The following SLC12A4 variants were observed in gnomAD, a reference collection of about 807,000 sequenced individuals.
SLC12A4 encodes electroneutral potassium-chloride cotransporter 1.
In SLC12A4, 84 loss-of-function variants were observed where a neutral mutation model predicts 119.2. That is an observed-to-expected ratio of 0.70 (90% CI 0.59 to 0.85). The LOEUF is 0.85. SLC12A4 is among the 40% of genes least tolerant of loss of function. The pLI, the probability that SLC12A4 is intolerant of heterozygous loss-of-function variation, is 0.00. For missense variants in SLC12A4, 1,298 were observed against 1,476.3 expected (o/e 0.88, Z 1.98); for synonymous variants, 599 against 604.6 (o/e 0.99, Z 0.14).
chr16:67,952,329 A>G lies in SLC12A4; in HGVS notation c.772T>C (p.Phe258Leu), dbSNP rs754949150. The G allele has an allele frequency of 2.5e-6, 4 of 1,614,092 alleles. No homozygotes were observed. In the East Asian group the frequency reaches 8.9e-5, roughly 36 times the overall value. The change falls in exon 7 of 24, where the codon TTC (phenylalanine) becomes CTC (leucine). Residue 258 changes from phenylalanine (F) to leucine (L), a missense_variant. Physicochemically the swap from Phe to Leu is conservative, Grantham distance 22. Coordinates refer to ENST00000316341, the MANE Select transcript of SLC12A4 (RefSeq NM_005072.5). The part of the protein sequence containing the change: ...LNNMRVYGTI[F>L]LTFMTLVVFV... ...ACCACCAGGGTCATGAAGGTCAGGA[A>G]AATGGTCCCATACACACGCATATTG...
chr16:67,951,541 C>T lies in SLC12A4; in HGVS notation c.1133-237G>A, dbSNP rs1363523270. 3.3e-6 allele frequency: 2 copies of T among 612,570 alleles called. No homozygotes were observed. Among genetic ancestry groups the T allele is most frequent in the Admixed American group, 3.0e-5 (1 of 33,490 alleles). 37.9% of individuals were successfully genotyped at this position (612,570 alleles called of 1,614,324 possible). A position where few individuals can be genotyped will look rare whatever the true frequency, so the allele number is the denominator to read the frequency against. ...TCACCCAGAGCCCGCCACTGCCCGC[C>T]TTCCACAGAGGCCTTTATGGATCCT... is the stretch of plus-strand genomic sequence containing the variant. On this transcript the variant is annotated intron_variant, in intron 8 of 23. Coordinates refer to ENST00000316341, the MANE Select transcript of SLC12A4 (RefSeq NM_005072.5). The surrounding 1 kb of genome is among the most constrained non-coding windows in gnomAD (Gnocchi z 5.2).
Position 67,957,781 on chromosome 16 carries a change from T to C in SLC12A4, c.505A>G (p.Ile169Val). Reference protein sequence around the residue: ...ICCCCTLLTAISMSAIATNGV... With the variant: ...ICCCCTLLTAVSMSAIATNGV... Reference sequence around the variant, plus strand: ...TTGGTGGCGATGGCACTCATGGAGATGGCCGTCAGCAGGGTCTGTGGGAAG... The same window carrying C: ...TTGGTGGCGATGGCACTCATGGAGACGGCCGTCAGCAGGGTCTGTGGGAAG... Residue 169 changes from isoleucine to valine, a missense_variant, in exon 5 of 24, where the codon ATC becomes GTC. Physicochemically the swap from Ile to Val is conservative, Grantham distance 29. Coordinates refer to ENST00000316341, the MANE Select transcript of SLC12A4 (RefSeq NM_005072.5). The C allele has an allele frequency of 6.2e-7, 1 of 1,614,020 alleles. No homozygotes were observed. Among genetic ancestry groups the C allele is most frequent in the Non-Finnish European group, 8.5e-7 (1 of 1,180,026 alleles).
In SLC12A4 at chr16:67,952,520, C is replaced by T. The variant is rs2029983449; in HGVS notation, c.676-95G>A. On this transcript the variant is annotated intron_variant, in intron 6 of 23. Transcript: ENST00000316341. ...TCTTTTTACGAGTACCTAAAAGAGG[C>T]CGGGCGCAGTGGCTCACGCCTGTAA... 4.2e-6 allele frequency: 6 copies of T among 1,415,322 alleles called. No homozygotes were observed. In the East Asian group the frequency reaches 9.2e-5, roughly 22 times the overall value. 87.7% of individuals were successfully genotyped at this position (1,415,322 alleles called of 1,614,324 possible). A position where few individuals can be genotyped will look rare whatever the true frequency, so the allele number is the denominator to read the frequency against.
In SLC12A4 at chr16:67,947,107, T is replaced by C. The variant is rs754826847; in HGVS notation, c.2073-2A>G. 6 of 1,584,028 alleles carry C rather than the reference T, an allele frequency of 3.8e-6. No homozygotes were observed. The highest frequency in any genetic ancestry group is 5.1e-6 in the Non-Finnish European group (6 of 1,168,382). On this transcript the variant is annotated splice_acceptor_variant, in intron 16 of 23. Transcript: ENST00000316341. LOFTEE classifies it high-confidence loss of function. ...TTCAGCAGCACCAGCAGCTGCGGCC[T>C]GCAGTGGCCGGGTGGGGGGAGCCTG... is the stretch of plus-strand genomic sequence containing the variant.
Position 67,950,065 on chromosome 16 carries a change from C to T in SLC12A4, c.1630-147G>A. 1 of 717,038 alleles carries T rather than the reference C, an allele frequency of 1.4e-6. No individual in the cohort carries two copies. Among genetic ancestry groups the T allele is most frequent in the Non-Finnish European group, 2.4e-6 (1 of 422,344 alleles). The allele number at this position is 717,038 out of a possible 1,614,324, so 44.4% of individuals were successfully genotyped here. The stretch of plus-strand genomic sequence containing the variant: ...CTATCCCTATGGGTGTCACCAGTCT[C>T]CCTGATTCCACCTCACCAGGCCTCT... On this transcript the variant is annotated intron_variant, in intron 12 of 23. Coordinates refer to ENST00000316341, the MANE Select transcript of SLC12A4 (RefSeq NM_005072.5). This position sits in a 1 kb window ranked among gnomAD's most constrained non-coding sequence, Gnocchi z 4.3.
chr16:67,951,826 G>C lies in SLC12A4; in HGVS notation c.1129C>G (p.Gln377Glu). 1.2e-6 allele frequency: 2 copies of C among 1,611,330 alleles called. No homozygotes were observed. Among genetic ancestry groups the C allele is most frequent in the Non-Finnish European group, 1.7e-6 (2 of 1,179,010 alleles). ...GACGACGGGAGGGAGGACCCACCCT[G>C]GAGCACACCAGCAGCTGCCCCGGGG... Reference protein sequence around the residue: ...GIPGAAAGVLQENLWSAYLEK... With the variant: ...GIPGAAAGVLEENLWSAYLEK... Residue 377 changes from glutamine to glutamate, a missense_variant, in exon 8 of 24, where the codon CAG (glutamine) becomes GAG (glutamate). Coordinates refer to ENST00000316341, the MANE Select transcript of SLC12A4 (RefSeq NM_005072.5). The surrounding 1 kb of genome is among the most constrained non-coding windows in gnomAD (Gnocchi z 5.2).
At position 67,950,188 on chromosome 16, in the gene SLC12A4, C is replaced by G. The variant is rs1269326252; in HGVS notation, c.1629+131G>C. 2.6e-6 allele frequency: 3 copies of G among 1,140,186 alleles called. No homozygotes were observed. The highest frequency in any genetic ancestry group is 3.1e-5 in the African/African-American group (2 of 64,462). The allele number at this position is 1,140,186 out of a possible 1,614,324, so 70.6% of individuals were successfully genotyped here. Reference sequence around the variant, plus strand: ...GGCCCAGGGCACTTCTCAGTAGCTCCTCATGGATGGCCGCCTGGCCCCGGG... The same window carrying G: ...GGCCCAGGGCACTTCTCAGTAGCTCGTCATGGATGGCCGCCTGGCCCCGGG... On this transcript the variant is annotated intron_variant, in intron 12 of 23. Coordinates refer to ENST00000316341, the MANE Select transcript of SLC12A4 (RefSeq NM_005072.5). The surrounding 1 kb of genome is among the most constrained non-coding windows in gnomAD (Gnocchi z 4.3).
At chr16:67,963,800 G>C (rs76359116) in intron 1 of SLC12A4, 60,143 of 1,282,598 alleles carry the variant, frequency 0.047, 1,899 homozygotes, top group African/African-American at 0.14. Context: ...ATCCAGGTGA[G>C]GGCGCAGGCG....
At chr16:67,967,248 C>T (rs2030906933) in intron 1 of SLC12A4, among the ~76,000 whole-genome samples, 1 of 152,218 alleles carries the variant, frequency 6.6e-6, no homozygotes, top group African/African-American at 2.4e-5. Context: ...CATGGATCAT[C>T]TCAGTCGTGT....
In SLC12A4 at chr16:67,968,459, G is replaced by C; in HGVS notation, c.95C>G (p.Ala32Gly). 2 of 1,578,736 alleles carry C rather than the reference G, an allele frequency of 1.3e-6. No homozygotes were observed. Among genetic ancestry groups the C allele is most frequent in the South Asian group, 2.3e-5 (2 of 88,160 alleles). ...CTCACCGTCCGAGTCATCCAGCTCG[G>C]CGCGCTCCCCGTAGTCCACCCAACT... The part of the protein sequence containing the change: ...GLSWVDYGER[A>G]ELDDSDGHGN... The change falls in exon 1 of 24, where the codon GCC becomes GGC. Residue 32 changes from alanine (A) to glycine (G), a missense_variant. By Grantham distance (60) the Ala-to-Gly change is moderately conservative (BLOSUM62 0). Coordinates refer to ENST00000316341, the MANE Select transcript of SLC12A4 (RefSeq NM_005072.5).
In SLC12A4 at chr16:67,951,905, G is replaced by T. The variant is rs367647019; in HGVS notation, c.1050C>A (p.Thr350=). The part of the protein sequence containing the change: ...SFFCHSPNLT[T]DSCDPYFMLN... ...GCATGAAGTAGGGGTCACAGGAGTC[G>T]GTCGTAAGGTTGGGGCTGTGGCAGA... Residue 350 remains threonine, a synonymous_variant, in exon 8 of 24, where the codon ACC becomes ACA. Transcript: ENST00000316341. This position sits in a 1 kb window ranked among gnomAD's most constrained non-coding sequence, Gnocchi z 5.2. 2 of 1,613,826 alleles carry T rather than the reference G, an allele frequency of 1.2e-6. No individual in the cohort carries two copies. The highest frequency in any genetic ancestry group is 1.7e-6 in the Non-Finnish European group (2 of 1,180,030).
Position 67,951,188 on chromosome 16 carries a change from C to T in SLC12A4, c.1249G>A (p.Ala417Thr), listed in dbSNP as rs773501531. Residue 417 changes from alanine (A) to threonine (T), a missense_variant, in exon 9 of 24, where the codon GCC (alanine) becomes ACC (threonine). Transcript: ENST00000316341. This position sits in a 1 kb window ranked among gnomAD's most constrained non-coding sequence, Gnocchi z 5.2. ...CCGACCAGCACGGTGAAGGATGTGG[C>T]GATGTCAGCGACCACGTACAGAGGC... The part of the protein sequence containing the change: ...SLPLYVVADI[A>T]TSFTVLVGIF... 1.2e-5 allele frequency: 20 copies of T among 1,613,946 alleles called. No homozygotes were observed. The East Asian group carries it at 2.2e-4, about 18-fold the overall frequency.
rs370220716 is a variant in SLC12A4, at chr16:67,946,516, G to A, written c.2359C>T (p.Arg787Trp). 37 of 1,609,878 alleles carry A rather than the reference G, an allele frequency of 2.3e-5. No individual in the cohort carries two copies. The highest frequency in any genetic ancestry group is 5.5e-5 in the South Asian group (5 of 91,080). ...LIQSCGLGGM[R>W]HNSVVLGWPY... ...CAGCCCAGCACCACGGAGTTATGCC[G>A]CATGCCTCCCAGGCCACAGGACTGG... Residue 787 changes from arginine (R) to tryptophan (W), a missense_variant, in exon 18 of 24, where the codon CGG becomes TGG. Transcript: ENST00000316341.
rs1185781732 is a variant in SLC12A4, at chr16:67,951,243, G to A, written c.1194C>T (p.Ser398=). The A allele has an allele frequency of 1.9e-6, 3 of 1,614,050 alleles. No individual in the cohort carries two copies. Among genetic ancestry groups the A allele is most frequent in the South Asian group, 1.1e-5 (1 of 91,072 alleles). The change falls in exon 9 of 24, where the codon TCC becomes TCT. Residue 398 remains serine, a synonymous_variant. Transcript: ENST00000316341. This position sits in a 1 kb window ranked among gnomAD's most constrained non-coding sequence, Gnocchi z 5.2. ...GDIVEKHGLP[S]ADAPSLKESL... ...TCTCCTTCAGGCTCGGGGCATCTGCGGAGGGCAGCCCATGCTTCTCCACGA... is the reference window on the plus strand; with the variant it reads ...TCTCCTTCAGGCTCGGGGCATCTGCAGAGGGCAGCCCATGCTTCTCCACGA...
Position 67,949,688 on chromosome 16 carries a change from G to A in SLC12A4, c.1748+112C>T, listed in dbSNP as rs1359638088. The A allele has an allele frequency of 1.1e-5, 8 of 709,742 alleles. No homozygotes were observed. The highest frequency in any genetic ancestry group is 1.9e-5 in the Non-Finnish European group (8 of 428,824). The allele number at this position is 709,742 out of a possible 1,614,324, so 44.0% of individuals were successfully genotyped here. A position where few individuals can be genotyped will look rare whatever the true frequency, so the allele number is the denominator to read the frequency against. On this transcript the variant is annotated intron_variant, in intron 13 of 23. Transcript: ENST00000316341. This position sits in a 1 kb window ranked among gnomAD's most constrained non-coding sequence, Gnocchi z 4.6. ...GCCCTGTCAGGCCACATCTCCCCAT[G>A]CAGCCTGCCACATCTCCCAGCTGGA...
At position 67,968,554 on chromosome 16, in the gene SLC12A4, C is replaced by A; in HGVS notation, c.-1G>T. On this transcript the variant is annotated 5_prime_UTR_variant, in exon 1 of 24. Coordinates refer to ENST00000316341, the MANE Select transcript of SLC12A4 (RefSeq NM_005072.5). The stretch of plus-strand genomic sequence containing the variant: ...CTGGCACCACGGTGAAGTGAGGCAT[C>A]GTGCGGGCTCGGCCCCGCCGCACCC... 1.3e-5 allele frequency: 20 copies of A among 1,542,818 alleles called. No homozygotes were observed. The highest frequency in any genetic ancestry group is 1.5e-5 in the Non-Finnish European group (17 of 1,151,834).
rs918484260 is a variant in SLC12A4, at chr16:67,950,807, C to T, written c.1397-96G>A. The T allele has an allele frequency of 6.0e-6, 9 of 1,489,464 alleles. No individual in the cohort carries two copies. The highest frequency in any genetic ancestry group is 3.6e-5 in the South Asian group (3 of 84,304). The allele number at this position is 1,489,464 out of a possible 1,614,324, so 92.3% of individuals were successfully genotyped here. On this transcript the variant is annotated intron_variant, in intron 10 of 23. Coordinates refer to ENST00000316341, the MANE Select transcript of SLC12A4 (RefSeq NM_005072.5). This position sits in a 1 kb window ranked among gnomAD's most constrained non-coding sequence, Gnocchi z 4.3. ...CCCAGCCAGACTACCAGGACACCTA[C>T]AGCTGGGAGTCTCGTGGTGTGTATG...
In SLC12A4 at chr16:67,949,737, G is replaced by C; in HGVS notation, c.1748+63C>G. ...GACCTCCAACACCAGACGCAGCCAC[G>C]GGGAGGTGCTGGGGTTCAGGAAGCC... On this transcript the variant is annotated intron_variant, in intron 13 of 23. Transcript: ENST00000316341. This position sits in a 1 kb window ranked among gnomAD's most constrained non-coding sequence, Gnocchi z 4.6. The C allele has an allele frequency of 8.8e-7, 1 of 1,131,246 alleles. No homozygotes were observed. Among genetic ancestry groups the C allele is most frequent in the Non-Finnish European group, 1.3e-6 (1 of 773,744 alleles). The allele number at this position is 1,131,246 out of a possible 1,614,324, so 70.1% of individuals were successfully genotyped here.
In SLC12A4 at chr16:67,943,714, C is replaced by A; in HGVS notation, c.*1126G>T. The A allele has an allele frequency of 1.8e-6, 1 of 565,220 alleles. No homozygotes were observed. Among genetic ancestry groups the A allele is most frequent in the Non-Finnish European group, 3.1e-6 (1 of 319,538 alleles). The allele number at this position is 565,220 out of a possible 1,614,324, so 35.0% of individuals were successfully genotyped here. A position where few individuals can be genotyped will look rare whatever the true frequency, so the allele number is the denominator to read the frequency against. ...TGCCCCAGCCAAGACCTCAGGCACA[C>A]CCCGTCCCCCACTCCGCCCCCCCTG... On this transcript the variant is annotated 3_prime_UTR_variant, in exon 24 of 24. Coordinates refer to ENST00000316341, the MANE Select transcript of SLC12A4 (RefSeq NM_005072.5). This position sits in a 1 kb window ranked among gnomAD's most constrained non-coding sequence, Gnocchi z 4.6.
Sources: allele counts gnomAD v4.1 joint callset (sites outside exome capture counted in the v4.1 genomes callset), GRCh38; gene constraint gnomAD v4.1.1; non-coding constraint Gnocchi (gnomAD v3.1); transcripts MANE v1.5; gene names NCBI Gene and HGNC (gene_info 2026-07-23, HGNC 2026-07-21).